The following CACNA2D3 variants were observed in gnomAD, a reference collection of about 807,000 sequenced individuals.
CACNA2D3 encodes the protein calcium voltage-gated channel auxiliary subunit alpha2delta 3.
In CACNA2D3, 60 loss-of-function variants were observed where a neutral mutation model predicts 160.6. The observed-to-expected ratio is 0.37, with a 90% CI of 0.30 to 0.46. CACNA2D3 has a LOEUF of 0.46. Among genes scored for constraint, CACNA2D3 ranks in the 20% least tolerant of loss-of-function variants. The pLI is 1.00. For missense variants in CACNA2D3, 1,205 were observed against 1,365.0 expected, an observed-to-expected ratio of 0.88 and a Z score of 1.85; for synonymous variants, 558 against 492.9, an observed-to-expected ratio of 1.13 and a Z score of -1.75.
At position 54,814,991 on chromosome 3, in the gene CACNA2D3, T is replaced by C. The variant is rs371404877; in HGVS notation, c.1381-1862T>C. On this transcript the variant is annotated intron_variant, in intron 13 of 37. Transcript: ENST00000474759. ...ACACAAACACTTTCCTAAGAAAATA[T>C]ACATTTTTCATTCCACAATGTTCAT... Among the ~76,000 whole-genome samples, 5 of 152,368 alleles carry C rather than the reference T, an allele frequency of 3.3e-5. No homozygotes were observed. The East Asian group carries it at 5.8e-4, about 18-fold the overall frequency.
At chr3:54,816,903 C>A in intron 14 of CACNA2D3, 33 bp downstream of exon 14, 2 of 1,612,420 alleles carry the variant, frequency 1.2e-6, no homozygotes, top group Non-Finnish European at 1.7e-6. Flanking sequence ...CCAGTCACCC[C>A]CAGAACTCAC....
At chr3:54,741,236 C>G (rs538419691) in intron 11 of CACNA2D3, among the ~76,000 whole-genome samples, 1 of 152,308 alleles carries the variant, frequency 6.6e-6, no homozygotes, top group African/African-American at 2.4e-5. Flanking sequence ...AGGCGTTATA[C>G]TCTCAGACCT....
chr3:54,578,267 A>C (rs1372230373), intron 8 of CACNA2D3, among the ~76,000 whole-genome samples: 1 of 152,210 alleles, frequency 6.6e-6, no homozygotes, highest in Non-Finnish European at 1.5e-5. Context: ...ATATCAGATT[A>C]TTTCACTAGG....
chr3:54,439,927 G>T (rs955886593), intron 4 of CACNA2D3, among the ~76,000 whole-genome samples: 2 of 152,100 alleles, frequency 1.3e-5, no homozygotes, highest in Non-Finnish European at 2.9e-5. Flanking sequence ...CATTTAATAA[G>T]CTGAGGTTGT....
Position 54,245,038 on chromosome 3 carries a change from C to T in CACNA2D3, c.205-75404C>T, listed in dbSNP as rs183127786. On this transcript the variant is annotated intron_variant, in intron 2 of 37. Transcript: ENST00000474759. ...GTGGGTTACAGCTAGGGTACTCTTT[C>T]ATTCTGATTTACCCAGGACAGTGCC... Among the ~76,000 whole-genome samples, 400 of 152,222 alleles carry T rather than the reference C, an allele frequency of 2.6e-3. 2 individuals are homozygous for T. Among genetic ancestry groups the T allele is most frequent in the Non-Finnish European group, 2.9e-3 (200 of 68,020 alleles).
chr3:54,871,419 C>T (rs564753000), intron 17 of CACNA2D3, 120 bp from the exon 18 acceptor site: 1 of 668,914 alleles, frequency 1.5e-6, no homozygotes, highest in African/African-American at 1.8e-5. Context: ...GGCTTCTCAC[C>T]CTCATCGGTC....
At chr3:54,876,678 G>A (rs1213063194) in intron 18 of CACNA2D3, among the ~76,000 whole-genome samples, 1 of 152,218 alleles carries the variant, frequency 6.6e-6, no homozygotes, top group Admixed American at 6.5e-5. Context: ...GTTACCCTGG[G>A]CAAACTTCTT....
intron 2 of CACNA2D3, among the ~76,000 whole-genome samples, chr3:54,285,329 T>C (rs952644939): frequency 6.6e-6 from 1 of 152,166 alleles, no homozygotes; most frequent in African/African-American, 2.4e-5. Flanking sequence ...GTCTCGCTGA[T>C]AGCTAGCACA....
rs191485554 is a variant in CACNA2D3, at chr3:54,934,093, T to C, written c.2449+34225T>C. Among the ~76,000 whole-genome samples, 23 of 152,326 alleles carry C rather than the reference T, an allele frequency of 1.5e-4. No homozygotes were observed. The South Asian group carries it at 2.9e-3, about 19-fold the overall frequency. On this transcript the variant is annotated intron_variant, in intron 27 of 37. Coordinates refer to ENST00000474759, the MANE Select transcript of CACNA2D3 (RefSeq NM_018398.3). ...TCCATGATGTTACTATTACTTTTGA[T>C]ACAAATTACAAAACAGGGACGGAGA...
intron 27 of CACNA2D3, among the ~76,000 whole-genome samples, chr3:54,928,438 C>T (rs1222663627): frequency 6.6e-6 from 1 of 152,142 alleles, no homozygotes; most frequent in Non-Finnish European, 1.5e-5. Flanking sequence ...GGGACCCTCA[C>T]CTGGGGGTCG....
chr3:54,722,229 C>G (rs1163811793), intron 11 of CACNA2D3, among the ~76,000 whole-genome samples: 1 of 152,234 alleles, frequency 6.6e-6, no homozygotes, highest in East Asian at 1.9e-4. Flanking sequence ...GTATGCTTCA[C>G]GAAGTTCTCA....
intron 24 of CACNA2D3, 36 bp downstream of exon 24, chr3:54,888,088 T>G: frequency 4.3e-6 from 6 of 1,408,384 alleles, no homozygotes; most frequent in Non-Finnish European, 6.0e-6. Flanking sequence ...TCATGGCCAT[T>G]TCCTCACCAA....
intron 2 of CACNA2D3, among the ~76,000 whole-genome samples, chr3:54,217,779 A>G (rs1426467817): frequency 2.0e-5 from 3 of 152,058 alleles, no homozygotes; most frequent in African/African-American, 7.3e-5. Context: ...GAACTGGGAG[A>G]GAATAAGTTT....
intron 14 of CACNA2D3, among the ~76,000 whole-genome samples, chr3:54,836,644 G>A (rs1698697172): frequency 6.6e-6 from 1 of 151,966 alleles, no homozygotes. Context: ...TTTCCATCTG[G>A]GACTGGCATT....
intron 2 of CACNA2D3, among the ~76,000 whole-genome samples, chr3:54,284,026 C>T (rs927257469): frequency 3.9e-5 from 6 of 152,190 alleles, no homozygotes; most frequent in Non-Finnish European, 7.3e-5. Context: ...TGCACCGCTG[C>T]ACTCCAGCCT....
At chr3:55,031,754 C>T (rs918675004) in intron 35 of CACNA2D3, among the ~76,000 whole-genome samples, 1 of 152,086 alleles carries the variant, frequency 6.6e-6, no homozygotes, top group Non-Finnish European at 1.5e-5. Flanking sequence ...GTTCTTAGTG[C>T]ATCTGAAAGA....
chr3:54,494,080 C>T (rs1038690177), intron 4 of CACNA2D3, among the ~76,000 whole-genome samples: 1 of 152,224 alleles, frequency 6.6e-6, no homozygotes, highest in Non-Finnish European at 1.5e-5. Flanking sequence ...TAGATTAGTT[C>T]TGTTGTGCTC....
chr3:54,672,105 A>G (rs1227556009), intron 11 of CACNA2D3, among the ~76,000 whole-genome samples: 2 of 152,246 alleles, frequency 1.3e-5, no homozygotes, highest in Admixed American at 1.3e-4. Context: ...GGGGTTGAGC[A>G]TGTGAGTATC....
At chr3:54,131,352 G>A (rs999810933) in intron 2 of CACNA2D3, among the ~76,000 whole-genome samples, 9 of 152,160 alleles carry the variant, frequency 5.9e-5, no homozygotes, top group Non-Finnish European at 8.8e-5. Context: ...AGCATGGGGG[G>A]AGATGCCCAG....
Sources: allele counts gnomAD v4.1 joint callset (sites outside exome capture counted in the v4.1 genomes callset), GRCh38; gene constraint gnomAD v4.1.1; transcripts MANE v1.5; gene names NCBI Gene and HGNC (gene_info 2026-07-23, HGNC 2026-07-21).